SGCZ: variants seen among roughly 807,000 people sequenced by gnomAD.
SGCZ encodes sarcoglycan zeta.
In SGCZ, 40 loss-of-function variants were observed where a neutral mutation model predicts 41.3. The ratio of observed to expected loss-of-function variants is 0.97; its 90% CI spans 0.75 to 1.26. The LOEUF (loss-of-function observed/expected upper bound fraction) is 1.26, where lower values mean the gene tolerates loss of function less well. Among genes scored for constraint, SGCZ ranks in the 50% most tolerant of loss-of-function variants. The pLI, the probability that SGCZ is intolerant of heterozygous loss-of-function variation, is 0.00. For synonymous variants in SGCZ, 206 were observed against 137.5 expected (o/e 1.50, Z -3.49); for missense variants, 552 against 369.8 (o/e 1.49, Z -4.04).
chr8:14,102,561 A>AAAAG lies in SGCZ; in HGVS notation c.621-66_621-63dup, dbSNP rs1802067036. 7.1e-6 allele frequency: 9 copies of AAAAG among 1,273,052 alleles called. No individual in the cohort carries two copies. The South Asian group carries it at 8.8e-5, about 12-fold the overall frequency. 78.9% of individuals were successfully genotyped at this position (1,273,052 alleles called of 1,614,324 possible). A position where few individuals can be genotyped will look rare whatever the true frequency, so the allele number is the denominator to read the frequency against. ...AAACACAAAAAAATCATTAATAGAA[A>AAAAG]AAAGAAAATTTTTGATAAACTAGAA... On this transcript the variant is annotated intron_variant, in intron 6 of 7. Transcript: ENST00000382080.
chr8:15,063,275 C>T (rs1451909087), intron 1 of SGCZ, among the ~76,000 whole-genome samples: 1 of 152,046 alleles, frequency 6.6e-6, no homozygotes, highest in Non-Finnish European at 1.5e-5. Context: ...AACATAAGCA[C>T]ATTTAATATG....
intron 2 of SGCZ, among the ~76,000 whole-genome samples, chr8:14,466,116 A>T (rs139288316): frequency 6.6e-6 from 1 of 152,044 alleles, no homozygotes; most frequent in East Asian, 1.9e-4. Flanking sequence ...ACCCTGATAG[A>T]ATCCCTTGAG....
intron 1 of SGCZ, among the ~76,000 whole-genome samples, chr8:14,699,377 T>C (rs546234221): frequency 2.6e-4 from 40 of 151,770 alleles, no homozygotes; most frequent in Non-Finnish European, 5.2e-4. Flanking sequence ...AAGGGCTCTA[T>C]ATTCAATAAG....
chr8:14,884,495 C>A (rs1366890704), intron 1 of SGCZ, among the ~76,000 whole-genome samples: 1 of 151,612 alleles, frequency 6.6e-6, no homozygotes, highest in African/African-American at 2.4e-5. Flanking sequence ...TGGTAAAGAC[C>A]TAACATACAC....
In SGCZ at chr8:15,106,787, A is replaced by G. The variant is rs1454061056; in HGVS notation, c.39+130798T>C. 2.0e-5 allele frequency among the ~76,000 whole-genome samples: 3 copies of G among 152,074 alleles called. No homozygotes were observed. In the East Asian group the frequency reaches 5.8e-4, roughly 29 times the overall value. On this transcript the variant is annotated intron_variant, in intron 1 of 7. Transcript: ENST00000382080. ...TGGCAATTTTAAATGTGGTGGTGAT[A>G]GTACTCATCATTCTTGTTTCCCACT...
intron 1 of SGCZ, among the ~76,000 whole-genome samples, chr8:14,602,082 T>C (rs1424330808): frequency 6.6e-6 from 1 of 151,864 alleles, no homozygotes; most frequent in African/African-American, 2.4e-5. Flanking sequence ...ATTGCGCCAC[T>C]GCACTCCAGC....
chr8:14,269,848 A>C (rs1585303136), intron 3 of SGCZ, among the ~76,000 whole-genome samples: 2 of 152,068 alleles, frequency 1.3e-5, no homozygotes, highest in East Asian at 3.9e-4. Flanking sequence ...TCCTTTCAAT[A>C]ATTTTGAGAA....
At chr8:14,337,333 T>C (rs374420883) in intron 2 of SGCZ, among the ~76,000 whole-genome samples, 1 of 152,116 alleles carries the variant, frequency 6.6e-6, no homozygotes, top group East Asian at 1.9e-4. Flanking sequence ...GAGACTATTA[T>C]CTATTTAGAA....
At chr8:14,534,757 T>G (rs186325546) in intron 2 of SGCZ, among the ~76,000 whole-genome samples, 54 of 152,152 alleles carry the variant, frequency 3.5e-4, no homozygotes, top group Admixed American at 8.5e-4. Context: ...ACAACTTTTA[T>G]GTCTTTTTCA....
rs557353836 is a variant in SGCZ at position 14,393,647 on chromosome 8, T to A, written c.235-69443A>T. On this transcript the variant is annotated intron_variant, in intron 2 of 7. Coordinates refer to ENST00000382080, the MANE Select transcript of SGCZ (RefSeq NM_139167.4). ...ACCTTTTTCTCCATAGAGAAAGCTG[T>A]TTCTCTTTCTCCTCTCTTCTGCTTA... 5.3e-4 allele frequency among the ~76,000 whole-genome samples: 77 copies of A among 144,972 alleles called. 1 individual carries two copies. Among genetic ancestry groups the A allele is most frequent in the African/African-American group, 1.7e-3 (72 of 41,314 alleles).
chr8:14,266,725 A>G (rs1251487483), intron 3 of SGCZ, among the ~76,000 whole-genome samples: 1 of 152,136 alleles, frequency 6.6e-6, no homozygotes, highest in African/African-American at 2.4e-5. Context: ...AGACACTTCC[A>G]GTTGTCTATG....
chr8:15,053,100 TGTGA>T (rs1296632970), intron 1 of SGCZ, among the ~76,000 whole-genome samples: 2 of 152,114 alleles, frequency 1.3e-5, no homozygotes, highest in Non-Finnish European at 2.9e-5. Flanking sequence ...ACCTTGACCT[TGTGA>T]GTGTGTCTAG....
chr8:14,126,351 T>G (rs1802859498), intron 5 of SGCZ, among the ~76,000 whole-genome samples: 1 of 152,158 alleles, frequency 6.6e-6, no homozygotes, highest in South Asian at 2.1e-4. Flanking sequence ...AAGAAGACAT[T>G]TATTCAGCCA....
chr8:14,572,739 C>A (rs745773643), intron 1 of SGCZ, among the ~76,000 whole-genome samples: 1 of 152,142 alleles, frequency 6.6e-6, no homozygotes, highest in Non-Finnish European at 1.5e-5. Context: ...CACCAACTCT[C>A]TTTTAGTAAT....
intron 1 of SGCZ, among the ~76,000 whole-genome samples, chr8:14,730,915 G>A (rs1810217186): frequency 6.6e-6 from 1 of 151,820 alleles, no homozygotes; most frequent in Non-Finnish European, 1.5e-5. Flanking sequence ...GGAGAAAGAG[G>A]AACAATTTTA....
chr8:15,128,570 C>T (rs1017506210), intron 1 of SGCZ, among the ~76,000 whole-genome samples: 1 of 152,300 alleles, frequency 6.6e-6, no homozygotes, highest in South Asian at 2.1e-4. Flanking sequence ...CTATTCTGCA[C>T]TCTCTCACTG....
At chr8:14,479,728 C>CTT (rs1801471840) in intron 2 of SGCZ, among the ~76,000 whole-genome samples, 1 of 83,934 alleles carries the variant, frequency 1.2e-5, no homozygotes, top group African/African-American at 5.5e-5. Context: ...CAGAATTCTA[C>CTT]TTCTTTTTTT....
At chr8:15,180,025 T>C (rs1169652218) in intron 1 of SGCZ, among the ~76,000 whole-genome samples, 1 of 152,200 alleles carries the variant, frequency 6.6e-6, no homozygotes, top group Non-Finnish European at 1.5e-5. Context: ...ACATTTTTAC[T>C]ATGTGTTATA....
At chr8:14,719,947 G>T (rs191041576) in intron 1 of SGCZ, among the ~76,000 whole-genome samples, 165 of 152,126 alleles carry the variant, frequency 1.1e-3, no homozygotes, top group African/African-American at 3.8e-3. Context: ...TGTCCTGAAT[G>T]GTAACGCCTA....
Sources: gnomAD v4.1 joint callset for allele counts (sites outside exome capture counted in the v4.1 genomes callset) on GRCh38, gnomAD v4.1.1 for gene constraint, MANE v1.5 for transcripts, NCBI Gene and HGNC (gene_info 2026-07-23, HGNC 2026-07-21) for gene names.